The following MAP2K1 variants were observed in gnomAD, a reference collection of about 807,000 sequenced individuals.
MAP2K1 encodes mitogen-activated protein kinase kinase 1.
MAP2K1 carries 16 observed loss-of-function variants against 46.3 expected under a neutral mutation model. That is an observed-to-expected ratio of 0.35 (90% CI 0.23 to 0.52). The LOEUF (loss-of-function observed/expected upper bound fraction) is 0.52. Among genes scored for constraint, MAP2K1 ranks in the 20% least tolerant of loss-of-function variants. The probability of loss-of-function intolerance (pLI) is 0.94; values close to 1 mark genes in which losing one functional copy is unlikely to be tolerated. For synonymous variants in MAP2K1, 183 were observed against 185.6 expected (o/e 0.99, Z 0.11); for missense variants, 263 against 497.1 (o/e 0.53, Z 4.48).
intron 1 of MAP2K1, among the ~76,000 whole-genome samples, chr15:66,404,357 G>GA (rs773978792): frequency 3.3e-5 from 5 of 152,168 alleles, no homozygotes; most frequent in East Asian, 3.9e-4. Flanking sequence ...CTCTGTCTCA[G>GA]AAAAAAACAA....
chr15:66,426,369 A>T (rs2093458954), intron 1 of MAP2K1, among the ~76,000 whole-genome samples: 1 of 151,710 alleles, frequency 6.6e-6, no homozygotes, highest in Non-Finnish European at 1.5e-5. Context: ...ACAAAAAAAA[A>T]AAAAACCTTT....
At chr15:66,423,584 C>A (rs2093449082) in intron 1 of MAP2K1, among the ~76,000 whole-genome samples, 1 of 149,882 alleles carries the variant, frequency 6.7e-6, no homozygotes, top group Non-Finnish European at 1.5e-5. Flanking sequence ...ATTACAGGTG[C>A]CTGCCACCAT....
intron 7 of MAP2K1, among the ~76,000 whole-genome samples, chr15:66,486,588 C>A (rs1174458428): frequency 6.6e-6 from 1 of 152,236 alleles, no homozygotes; most frequent in East Asian, 1.9e-4. Context: ...ATGATAAACA[C>A]TGTGCAGTAC....
intron 5 of MAP2K1, among the ~76,000 whole-genome samples, chr15:66,459,067 C>T (rs932077247): frequency 1.3e-5 from 2 of 152,012 alleles, no homozygotes; most frequent in African/African-American, 2.4e-5. Flanking sequence ...GTAAGCCCAG[C>T]ACTTTGGGAG....
chr15:66,400,860 G>A (rs183115077), intron 1 of MAP2K1, among the ~76,000 whole-genome samples: 8 of 152,314 alleles, frequency 5.3e-5, no homozygotes, highest in African/African-American at 1.7e-4. Context: ...CCTGGAGGTT[G>A]AAGAGAAAAT....
chr15:66,406,821 C>T (rs1197237731), intron 1 of MAP2K1, among the ~76,000 whole-genome samples: 2 of 151,774 alleles, frequency 1.3e-5, no homozygotes, highest in African/African-American at 2.4e-5. Flanking sequence ...ACCTGAGCTC[C>T]GCAGTTTGAG....
chr15:66,459,753 C>A (rs1049678455), intron 5 of MAP2K1, among the ~76,000 whole-genome samples: 1 of 152,138 alleles, frequency 6.6e-6, no homozygotes, highest in Non-Finnish European at 1.5e-5. Context: ...CCTCTAAATT[C>A]TTCCTCTCCA....
intron 5 of MAP2K1, chr15:66,444,924 A>G: frequency 1.8e-6 from 1 of 549,644 alleles, no homozygotes; most frequent in South Asian, 2.1e-5. Context: ...GTGATGGACA[A>G]TAGTCATAGT....
Position 66,489,781 on chromosome 15 carries a change from G to A in MAP2K1, c.1068+18G>A, listed in dbSNP as rs369137482. ...AACTCATGGTGAGTCTATTTATTCC[G>A]GATTCTTACAGTACCTGTTTATTCA... On this transcript the variant is annotated intron_variant, in intron 10 of 10. Transcript: ENST00000307102. 7.3e-5 allele frequency: 117 copies of A among 1,605,192 alleles called. No individual in the cohort carries two copies. The highest frequency in any genetic ancestry group is 1.6e-4 in the Middle Eastern group (1 of 6,072).
intron 5 of MAP2K1, chr15:66,446,733 AC>A: frequency 2.9e-6 from 1 of 346,100 alleles, no homozygotes; most frequent in Non-Finnish European, 6.1e-6. Flanking sequence ...GGTTCCGGAT[AC>A]CCTGCTTATA....
intron 5 of MAP2K1, among the ~76,000 whole-genome samples, chr15:66,455,318 G>C (rs994330567): frequency 6.6e-6 from 1 of 152,190 alleles, no homozygotes; most frequent in African/African-American, 2.4e-5. Context: ...GGTGCTCTGG[G>C]TGCAATGTTT....
At chr15:66,464,463 A>C (rs924992122) in intron 5 of MAP2K1, among the ~76,000 whole-genome samples, 3 of 152,226 alleles carry the variant, frequency 2.0e-5, no homozygotes, top group Non-Finnish European at 4.4e-5. Flanking sequence ...AGCACAGCTT[A>C]GTTTTCAGTA....
At chr15:66,442,277 G>C (rs1000688085) in intron 3 of MAP2K1, among the ~76,000 whole-genome samples, 1 of 152,110 alleles carries the variant, frequency 6.6e-6, no homozygotes, top group Admixed American at 6.6e-5. Flanking sequence ...TGGGGTTCTG[G>C]TCACAGCCGG....
At chr15:66,424,791 CTTTTTTTTTTT>C (rs58738231) in intron 1 of MAP2K1, among the ~76,000 whole-genome samples, 2 of 82,120 alleles carry the variant, frequency 2.4e-5, no homozygotes, top group East Asian at 4.0e-4. Flanking sequence ...CAATCTCAAT[CTTTTTTTTTTT>C]TTTTTTTTTT....
intron 1 of MAP2K1, among the ~76,000 whole-genome samples, chr15:66,420,775 ATGTGTATATATATG>A (rs1261536486): frequency 0.23 from 6,148 of 26,196 alleles, 1,535 homozygotes; most frequent in East Asian, 0.46. Context: ...GTGTATATAT[ATGTGTATATATATG>A]TGTGTATATA....
At chr15:66,464,139 A>G (rs1368157548) in intron 5 of MAP2K1, among the ~76,000 whole-genome samples, 1 of 152,186 alleles carries the variant, frequency 6.6e-6, no homozygotes, top group Non-Finnish European at 1.5e-5. Flanking sequence ...AAAGCATTTT[A>G]GAAGAAAATG....
intron 5 of MAP2K1, among the ~76,000 whole-genome samples, chr15:66,477,637 T>G (rs1249658945): frequency 2.0e-5 from 3 of 152,230 alleles, no homozygotes; most frequent in African/African-American, 7.2e-5. Context: ...GACACAGGGC[T>G]TCTGTCTCAC....
intron 6 of MAP2K1, among the ~76,000 whole-genome samples, chr15:66,483,577 GCAGAATAAAGA>G (rs1463833205): frequency 1.3e-5 from 2 of 152,114 alleles, no homozygotes; most frequent in African/African-American, 4.8e-5. Context: ...TATACTATGG[GCAGAATAAAGA>G]TTTTTTCGGT....
Position 66,485,075 on chromosome 15 carries a change from G to A in MAP2K1, c.779G>A (p.Arg260Lys), listed in dbSNP as rs1275152060. ...GLSLVEMAVG[R>K]YPIPPPDAKE... is the part of the protein sequence containing the mutation. ...TCTCTGGTAGAGATGGCGGTTGGGA[G>A]GTATCCCATCCCTCCTCCAGATGCC... Residue 260 changes from arginine to lysine, a missense_variant, in exon 7 of 11, where the codon AGG becomes AAG. By Grantham distance (26) the Arg-to-Lys change is conservative. Coordinates refer to ENST00000307102, the MANE Select transcript of MAP2K1 (RefSeq NM_002755.4). 6.2e-7 allele frequency: 1 copy of A among 1,613,876 alleles called. No individual in the cohort carries two copies. Among genetic ancestry groups the A allele is most frequent in the Admixed American group, 1.7e-5 (1 of 60,020 alleles).
Sources: allele counts gnomAD v4.1 joint callset (sites outside exome capture counted in the v4.1 genomes callset), GRCh38; gene constraint gnomAD v4.1.1; transcripts MANE v1.5; gene names NCBI Gene and HGNC (gene_info 2026-07-23, HGNC 2026-07-21).